Variants in OSBPL8 observed in about 807,000 individuals in gnomAD.
The protein encoded by OSBPL8 is oxysterol-binding protein-related protein 8.
In OSBPL8, 59 loss-of-function variants were observed where a neutral mutation model predicts 125.5. The ratio of observed to expected loss-of-function variants is 0.47; its 90% CI spans 0.38 to 0.58. The LOEUF (loss-of-function observed/expected upper bound fraction) is 0.58. Among genes scored for constraint, OSBPL8 ranks in the 20% least tolerant of loss-of-function variants. OSBPL8 has a pLI of 0.00. For missense variants in OSBPL8, 758 were observed against 1,047.8 expected (o/e 0.72, Z 3.82); for synonymous variants, 330 against 338.9 (o/e 0.97, Z 0.29).
At chr12:76,426,387 T>A (rs975905575) in intron 4 of OSBPL8, among the ~76,000 whole-genome samples, 2 of 152,228 alleles carry the variant, frequency 1.3e-5, no homozygotes, top group Non-Finnish European at 2.9e-5. Context: ...CTGTTAAATT[T>A]AATTTGTCTG....
intron 1 of OSBPL8, among the ~76,000 whole-genome samples, chr12:76,544,123 CT>C (rs1950718399): frequency 1.3e-5 from 2 of 152,220 alleles, no homozygotes; most frequent in African/African-American, 2.4e-5. Flanking sequence ...AGAGTAGTCA[CT>C]TTCAGAGACT....
chr12:76,454,023 A>G (rs1442840696), intron 3 of OSBPL8, among the ~76,000 whole-genome samples: 2 of 152,238 alleles, frequency 1.3e-5, no homozygotes, highest in Non-Finnish European at 2.9e-5. Context: ...ATTAACAAAA[A>G]TTAATGTCTG....
rs370011913 is a variant in OSBPL8, at chr12:76,515,387, G to A, written c.-67-27769C>T. ...GCAGGATCTTTATTTCATGGAAGCT[G>A]ATTTCTTATCTTTGGTTTCAGAGGG... On this transcript the variant is annotated intron_variant, in intron 1 of 23. Transcript: ENST00000261183. Among the ~76,000 whole-genome samples, 6 of 152,242 alleles carry A rather than the reference G, an allele frequency of 3.9e-5. No homozygotes were observed. The South Asian group carries it at 1.2e-3, about 32-fold the overall frequency.
intron 2 of OSBPL8, among the ~76,000 whole-genome samples, chr12:76,464,892 G>C (rs1875208986): frequency 6.6e-6 from 1 of 152,166 alleles, no homozygotes; most frequent in African/African-American, 2.4e-5. Context: ...CTACAATTCA[G>C]AAAGAGTATA....
intron 4 of OSBPL8, among the ~76,000 whole-genome samples, chr12:76,437,777 T>A (rs758313455): frequency 6.6e-6 from 1 of 152,210 alleles, no homozygotes; most frequent in South Asian, 2.1e-4. Context: ...AATTTTCCTA[T>A]CGTAAACATG....
At chr12:76,373,308 A>T in intron 18 of OSBPL8, 36 bp downstream of exon 18, 1 of 1,345,596 alleles carries the variant, frequency 7.4e-7, no homozygotes, top group Non-Finnish European at 1.0e-6. Flanking sequence ...CACAGAATAA[A>T]ATTCTTTTTG....
intron 1 of OSBPL8, among the ~76,000 whole-genome samples, chr12:76,558,841 A>G (rs1951187349): frequency 1.3e-5 from 2 of 152,222 alleles, no homozygotes; most frequent in Non-Finnish European, 2.9e-5. Flanking sequence ...TTAGAAACAA[A>G]CATTAAATTT....
intron 1 of OSBPL8, among the ~76,000 whole-genome samples, chr12:76,539,736 C>G (rs1171255145): frequency 1.3e-5 from 2 of 152,306 alleles, no homozygotes; most frequent in East Asian, 3.9e-4. Context: ...TGGTCTCATA[C>G]CAATGGCTAC....
chr12:76,540,723 C>T (rs932576260), intron 1 of OSBPL8, among the ~76,000 whole-genome samples: 6 of 151,062 alleles, frequency 4.0e-5, no homozygotes, highest in African/African-American at 1.5e-4. Context: ...ACATTTCAAG[C>T]AGAAAATTAT....
rs140516335 is a variant in OSBPL8, at chr12:76,370,694, G to A, written c.2054+754C>T. Among the ~76,000 whole-genome samples the A allele has an allele frequency of 5.1e-3, 770 of 152,226 alleles. 7 individuals are homozygous for A. Among genetic ancestry groups the A allele is most frequent in the African/African-American group, 0.018 (743 of 41,554 alleles). On this transcript the variant is annotated intron_variant, in intron 19 of 23. Transcript: ENST00000261183. ...TGGCTGAGACAGAATTTTTAGAACT[G>A]GTACATATACATTCTTCCATCTTTG... is the stretch of plus-strand genomic sequence containing the variant.
chr12:76,533,136 A>C (rs1248538342), intron 1 of OSBPL8, among the ~76,000 whole-genome samples: 1 of 152,254 alleles, frequency 6.6e-6, no homozygotes, highest in Non-Finnish European at 1.5e-5. Flanking sequence ...GACATAGAAC[A>C]TTTTAAAACA....
chr12:76,372,559 A>C (rs1169753138), intron 18 of OSBPL8, among the ~76,000 whole-genome samples: 5 of 152,196 alleles, frequency 3.3e-5, no homozygotes, highest in Middle Eastern at 3.4e-3. Flanking sequence ...AGGCAATTAA[A>C]AAAAATTTTC....
chr12:76,527,548 A>G (rs1950214679), intron 1 of OSBPL8, among the ~76,000 whole-genome samples: 1 of 152,222 alleles, frequency 6.6e-6, no homozygotes, highest in Non-Finnish European at 1.5e-5. Context: ...AACCACAGCT[A>G]TAATACATGG....
intron 1 of OSBPL8, among the ~76,000 whole-genome samples, chr12:76,507,809 G>A (rs1565954036): frequency 6.6e-6 from 1 of 151,512 alleles, no homozygotes; most frequent in African/African-American, 2.4e-5. Context: ...GGGCAACAGA[G>A]CAAGACTCAA....
chr12:76,410,439 C>A lies in OSBPL8; in HGVS notation c.288+125G>T, dbSNP rs1954467450. On this transcript the variant is annotated intron_variant, in intron 5 of 23. Transcript: ENST00000261183. ...TGGAACTTCACTCTTTTAATACACA[C>A]TACATGGTTCAGATGTATCAACATA... 7 of 673,806 alleles carry A rather than the reference C, an allele frequency of 1.0e-5. No homozygotes were observed. In the South Asian group the frequency reaches 1.3e-4, roughly 12 times the overall value. The allele number at this position is 673,806 out of a possible 1,614,324, so 41.7% of individuals were successfully genotyped here.
intron 2 of OSBPL8, among the ~76,000 whole-genome samples, chr12:76,485,006 T>C (rs1290980914): frequency 6.6e-6 from 1 of 151,984 alleles, no homozygotes; most frequent in East Asian, 1.9e-4. Flanking sequence ...CTGCAACCTC[T>C]GCCTCCCAGG....
intron 1 of OSBPL8, among the ~76,000 whole-genome samples, chr12:76,556,462 G>A (rs201322153): frequency 1.8e-5 from 1 of 54,132 alleles, no homozygotes; most frequent in Non-Finnish European, 3.2e-5. Context: ...GGACCAAGGT[G>A]GGAAGAAAGA....
rs377695449 is a variant in OSBPL8, at chr12:76,443,299, CCAAGA to C, written c.217+7547_217+7551del. 6.2e-3 allele frequency among the ~76,000 whole-genome samples: 939 copies of C among 152,064 alleles called. 6 individuals are homozygous for C. The highest frequency in any genetic ancestry group is 0.037 in the Middle Eastern group (11 of 294). ...AAACATACAAAATAGCTTTTTACAA[CCAAGA>C]ATGAGAGTAGCTACAAGGTAAGTTA... On this transcript the variant is annotated intron_variant, in intron 4 of 23. Transcript: ENST00000261183.
chr12:76,475,250 T>C (rs1053001074), intron 2 of OSBPL8, among the ~76,000 whole-genome samples: 2 of 145,662 alleles, frequency 1.4e-5, no homozygotes, highest in Non-Finnish European at 3.2e-5. Flanking sequence ...CTGGCATGTC[T>C]TAAAACTTGG....
Sources: gnomAD v4.1 joint callset for allele counts (sites outside exome capture counted in the v4.1 genomes callset) on GRCh38, gnomAD v4.1.1 for gene constraint, MANE v1.5 for transcripts, NCBI Gene and HGNC (gene_info 2026-07-23, HGNC 2026-07-21) for gene names.